The following SPAG16 variants were observed in gnomAD, a reference collection of about 807,000 sequenced individuals.
SPAG16 encodes sperm associated antigen 16.
In SPAG16, 86 loss-of-function variants were observed where a neutral mutation model predicts 80.4. The observed-to-expected ratio is 1.07, with a 90% CI of 0.90 to 1.28. The LOEUF (loss-of-function observed/expected upper bound fraction) is 1.28, where lower values mean the gene tolerates loss of function less well. Among genes scored for constraint, SPAG16 ranks in the 50% most tolerant of loss-of-function variants. SPAG16 has a pLI of 0.00. For missense variants in SPAG16, 870 were observed against 765.3 expected, an observed-to-expected ratio of 1.14 and a Z score of -1.61; for synonymous variants, 294 against 265.9, an observed-to-expected ratio of 1.11 and a Z score of -1.03.
At chr2:213,758,714 C>G (rs942251620) in intron 10 of SPAG16, among the ~76,000 whole-genome samples, 1 of 152,000 alleles carries the variant, frequency 6.6e-6, no homozygotes, top group African/African-American at 2.4e-5. Flanking sequence ...CAAGGAGTCA[C>G]AGGAGGAGAG....
intron 15 of SPAG16, among the ~76,000 whole-genome samples, chr2:214,174,721 C>T (rs1400060463): frequency 6.6e-6 from 1 of 151,656 alleles, no homozygotes; most frequent in East Asian, 1.9e-4. Context: ...CCCAGGATGG[C>T]AAAGGCTGTT....
chr2:213,630,687 C>A (rs747942451), intron 10 of SPAG16, among the ~76,000 whole-genome samples: 16 of 151,952 alleles, frequency 1.1e-4, no homozygotes, highest in Non-Finnish European at 1.9e-4. Context: ...GATTTAGAGA[C>A]CTCCAAAACA....
At chr2:213,672,721 C>T (rs535571606) in intron 10 of SPAG16, among the ~76,000 whole-genome samples, 20 of 152,190 alleles carry the variant, frequency 1.3e-4, no homozygotes, top group African/African-American at 4.3e-4. Context: ...ATTATTGCCT[C>T]ATCTTAATGC....
intron 11 of SPAG16, among the ~76,000 whole-genome samples, chr2:213,869,646 GTT>G (rs3046049): frequency 9.3e-4 from 86 of 92,052 alleles, no homozygotes; most frequent in South Asian, 1.9e-3. Flanking sequence ...GCTTTGAGTA[GTT>G]TTTTTTTTTT....
intron 15 of SPAG16, among the ~76,000 whole-genome samples, chr2:214,346,186 G>T (rs960321105): frequency 3.3e-5 from 5 of 152,172 alleles, no homozygotes; most frequent in Non-Finnish European, 5.9e-5. Flanking sequence ...AAACAGTTTT[G>T]TCAGTCTTGT....
At chr2:213,660,275 T>TG (rs199554562) in intron 10 of SPAG16, among the ~76,000 whole-genome samples, 7,447 of 151,662 alleles carry the variant, frequency 0.049, 592 homozygotes, top group African/African-American at 0.17. Flanking sequence ...TGTTGTTGTT[T>TG]TTTTTTTTTT....
intron 11 of SPAG16, among the ~76,000 whole-genome samples, chr2:213,898,135 A>T (rs1014176203): frequency 3.3e-5 from 5 of 152,198 alleles, no homozygotes; most frequent in Non-Finnish European, 7.3e-5. Context: ...TGAAAAACTA[A>T]GTGTGTTTCA....
chr2:214,368,161 T>C (rs1699602715), intron 15 of SPAG16, among the ~76,000 whole-genome samples: 1 of 152,152 alleles, frequency 6.6e-6, no homozygotes, highest in Non-Finnish European at 1.5e-5. Flanking sequence ...GTCATTAGCA[T>C]ATTTTTGAAA....
chr2:214,216,093 T>C (rs2058424844), intron 15 of SPAG16, among the ~76,000 whole-genome samples: 1 of 152,178 alleles, frequency 6.6e-6, no homozygotes, highest in Non-Finnish European at 1.5e-5. Flanking sequence ...TTAGCCAAGT[T>C]TTATTTTAAA....
chr2:213,821,901 A>G (rs1287559343), intron 10 of SPAG16, among the ~76,000 whole-genome samples: 1 of 152,198 alleles, frequency 6.6e-6, no homozygotes, highest in Non-Finnish European at 1.5e-5. Flanking sequence ...TTGTAGCTAA[A>G]TAGTACTCCA....
Position 213,643,235 on chromosome 2 carries a change from GTT to G in SPAG16, c.1070+153147_1070+153148del, listed in dbSNP as rs1302132203. Among the ~76,000 whole-genome samples the G allele has an allele frequency of 5.4e-5, 8 of 147,830 alleles. No individual in the cohort carries two copies. In the East Asian group the frequency reaches 1.6e-3, roughly 29 times the overall value. Reference sequence around the variant, plus strand: ...CTATTCTAGGGTAAAACTTGTTTTTGTTTGTTTGTTTGTTTGTTTTTATTCAG... The same window carrying G: ...CTATTCTAGGGTAAAACTTGTTTTTGTGTTTGTTTGTTTGTTTTTATTCAG... On this transcript the variant is annotated intron_variant, in intron 10 of 15. Transcript: ENST00000331683.
chr2:214,273,993 C>A (rs938499118), intron 15 of SPAG16, among the ~76,000 whole-genome samples: 1 of 152,104 alleles, frequency 6.6e-6, no homozygotes, highest in Non-Finnish European at 1.5e-5. Flanking sequence ...TTGCAGTTCT[C>A]CTTGAAGAGG....
intron 10 of SPAG16, among the ~76,000 whole-genome samples, chr2:213,522,227 T>C (rs1197410752): frequency 1.3e-5 from 2 of 152,232 alleles, no homozygotes; most frequent in Admixed American, 1.3e-4. Context: ...TCTTTAAGTT[T>C]GTTGATTGGA....
At chr2:214,366,437 A>G (rs541104990) in intron 15 of SPAG16, among the ~76,000 whole-genome samples, 26 of 152,332 alleles carry the variant, frequency 1.7e-4, no homozygotes, top group African/African-American at 5.8e-4. Flanking sequence ...CAGACTAGAA[A>G]TATTTTTAAA....
chr2:213,559,790 T>C (rs2059545443), intron 10 of SPAG16, among the ~76,000 whole-genome samples: 2 of 152,108 alleles, frequency 1.3e-5, no homozygotes, highest in Admixed American at 1.3e-4. Flanking sequence ...CATGTTATTA[T>C]TTCATAGAAC....
chr2:214,228,130 T>C (rs959142585), intron 15 of SPAG16, among the ~76,000 whole-genome samples: 1 of 151,970 alleles, frequency 6.6e-6, no homozygotes, highest in Non-Finnish European at 1.5e-5. Context: ...GCCAAGTAGA[T>C]TAATGTATCA....
chr2:213,975,905 C>T (rs915879973), intron 12 of SPAG16, among the ~76,000 whole-genome samples: 1 of 151,620 alleles, frequency 6.6e-6, no homozygotes, highest in Non-Finnish European at 1.5e-5. Flanking sequence ...TTCTGGTTAA[C>T]GGGTTCTTGT....
intron 15 of SPAG16, among the ~76,000 whole-genome samples, chr2:214,392,534 TG>T (rs1701148515): frequency 6.6e-6 from 1 of 152,092 alleles, no homozygotes; most frequent in South Asian, 2.1e-4. Flanking sequence ...AGCCCTTGTT[TG>T]GGAGGTAGAG....
intron 11 of SPAG16, among the ~76,000 whole-genome samples, chr2:213,917,212 T>C (rs2106193012): frequency 6.6e-6 from 1 of 152,342 alleles, no homozygotes; most frequent in South Asian, 2.1e-4. Context: ...AGTAATGTGA[T>C]GCCTCCAGCT....
Sources: gnomAD v4.1 joint callset for allele counts (sites outside exome capture counted in the v4.1 genomes callset) on GRCh38, gnomAD v4.1.1 for gene constraint, MANE v1.5 for transcripts, NCBI Gene and HGNC (gene_info 2026-07-23, HGNC 2026-07-21) for gene names.